Variants in MCC observed in about 807,000 individuals in gnomAD.
MCC encodes MCC regulator of Wnt signaling pathway, also known as colorectal mutant cancer protein.
In MCC, 90 loss-of-function variants were observed where a neutral mutation model predicts 116.2. The observed-to-expected ratio is 0.77, with a 90% confidence interval of 0.65 to 0.92. The LOEUF (loss-of-function observed/expected upper bound fraction) is 0.92. MCC is among the 40% of genes least tolerant of loss of function. The pLI is 0.00. For missense variants in MCC, 1,516 were observed against 1,312.2 expected (o/e 1.16, Z -2.40); for synonymous variants, 578 against 510.5 (o/e 1.13, Z -1.78).
At chr5:113,313,206 G>C (rs1287754883) in intron 3 of MCC, among the ~76,000 whole-genome samples, 1 of 152,080 alleles carries the variant, frequency 6.6e-6, no homozygotes, top group Non-Finnish European at 1.5e-5. Flanking sequence ...AATTAGCTGG[G>C]TGTGGTGGTG....
At chr5:113,045,142 T>G (rs1561748287) in intron 16 of MCC, among the ~76,000 whole-genome samples, 1 of 152,222 alleles carries the variant, frequency 6.6e-6, no homozygotes, top group Admixed American at 6.5e-5. Flanking sequence ...CCATTTGATG[T>G]TAACATTTCG....
chr5:113,163,171 G>A lies in MCC; in HGVS notation c.628-11749C>T, dbSNP rs141292062. ...GGTAAGAGACAGTCAAGAACCAAGCGGGACATACATAATGACCCCAAAATC... is the reference window on the plus strand; with the variant it reads ...GGTAAGAGACAGTCAAGAACCAAGCAGGACATACATAATGACCCCAAAATC... On this transcript the variant is annotated intron_variant, in intron 3 of 18. Transcript: ENST00000408903. Among the ~76,000 whole-genome samples the A allele has an allele frequency of 1.1e-3, 169 of 152,136 alleles. 1 individual carries two copies. Among genetic ancestry groups the A allele is most frequent in the African/African-American group, 3.7e-3 (155 of 41,486 alleles).
intron 7 of MCC, 119 bp from the exon 8 acceptor site, chr5:113,102,064 T>A (rs1332253458): frequency 1.1e-6 from 1 of 915,058 alleles, no homozygotes; most frequent in African/African-American, 1.6e-5. Context: ...AACCACTTTG[T>A]TATAAATAGT....
intron 17 of MCC, among the ~76,000 whole-genome samples, chr5:113,037,457 T>C (rs1396619276): frequency 2.0e-5 from 3 of 152,030 alleles, no homozygotes; most frequent in Non-Finnish European, 4.4e-5. Context: ...CTTTGTGAGG[T>C]TGAGGCGGGC....
chr5:113,255,098 G>C (rs1764957465), intron 3 of MCC, among the ~76,000 whole-genome samples: 1 of 152,180 alleles, frequency 6.6e-6, no homozygotes, highest in African/African-American at 2.4e-5. Flanking sequence ...CCAGGAGGTG[G>C]AGGTTGCAGT....
At chr5:113,428,934 C>G (rs769958883) in intron 1 of MCC, among the ~76,000 whole-genome samples, 6 of 152,180 alleles carry the variant, frequency 3.9e-5, no homozygotes, top group Non-Finnish European at 8.8e-5. Flanking sequence ...ATTTACTTAT[C>G]CAGCCGAATT....
At chr5:113,479,837 C>T (rs1772329371) in intron 1 of MCC, among the ~76,000 whole-genome samples, 1 of 152,056 alleles carries the variant, frequency 6.6e-6, no homozygotes, top group Admixed American at 6.6e-5. Flanking sequence ...CAGTGCTATT[C>T]AGTTTCTTTA....
intron 11 of MCC, among the ~76,000 whole-genome samples, chr5:113,077,157 C>T (rs151013696): frequency 0.078 from 11,847 of 152,174 alleles, 519 homozygotes; most frequent in Non-Finnish European, 0.083. Context: ...ATTCATAAAG[C>T]AAGTCCTTAG....
chr5:113,423,437 C>T lies in MCC; in HGVS notation c.171-38225G>A, dbSNP rs181548336. On this transcript the variant is annotated intron_variant, in intron 1 of 18. Coordinates refer to ENST00000408903, the MANE Select transcript of MCC (RefSeq NM_001085377.2). ...ATCCTGGGCTCACAAGAATCTAACC[C>T]TGTGTTTCCCCTAGAAGCAACAATT... Among the ~76,000 whole-genome samples the T allele has an allele frequency of 2.4e-4, 36 of 152,230 alleles. 1 individual carries two copies. In the South Asian group the frequency reaches 5.8e-3, roughly 25 times the overall value.
intron 3 of MCC, among the ~76,000 whole-genome samples, chr5:113,319,057 C>T (rs1008195304): frequency 3.0e-4 from 46 of 151,978 alleles, no homozygotes; most frequent in African/African-American, 1.0e-3. Context: ...TTTATAGAGA[C>T]GGAGTTTTGC....
chr5:113,260,856 T>C (rs1028610496), intron 3 of MCC, among the ~76,000 whole-genome samples: 4 of 152,160 alleles, frequency 2.6e-5, no homozygotes, highest in Non-Finnish European at 5.9e-5. Context: ...ATATGAGTTT[T>C]CCAAAATTTC....
chr5:113,222,278 T>G (rs1350606194), intron 3 of MCC, among the ~76,000 whole-genome samples: 1 of 152,220 alleles, frequency 6.6e-6, no homozygotes, highest in Non-Finnish European at 1.5e-5. Context: ...CACTTTGTCA[T>G]GATGTATTAT....
intron 1 of MCC, among the ~76,000 whole-genome samples, chr5:113,441,434 G>A (rs931671912): frequency 6.6e-6 from 1 of 152,186 alleles, no homozygotes; most frequent in African/African-American, 2.4e-5. Flanking sequence ...TCTATAAAGA[G>A]CTAGGTAATA....
At chr5:113,274,013 GA>G (rs1162369991) in intron 3 of MCC, among the ~76,000 whole-genome samples, 4 of 152,184 alleles carry the variant, frequency 2.6e-5, no homozygotes, top group Admixed American at 6.5e-5. Flanking sequence ...CCTCTGCACA[GA>G]AAAACGCTGG....
At chr5:113,038,596 TG>T (rs1223438022) in intron 17 of MCC, among the ~76,000 whole-genome samples, 1 of 152,006 alleles carries the variant, frequency 6.6e-6, no homozygotes, top group Admixed American at 6.6e-5. Context: ...TGTGAATGTT[TG>T]GGGAATGGCA....
intron 1 of MCC, among the ~76,000 whole-genome samples, chr5:113,426,613 C>T (rs541054215): frequency 6.6e-6 from 1 of 152,216 alleles, no homozygotes; most frequent in South Asian, 2.1e-4. Flanking sequence ...TCTTGTGACC[C>T]TGGGGCAATA....
In MCC at chr5:113,330,347, T is replaced by C. The variant is rs544542283; in HGVS notation, c.627+10172A>G. On this transcript the variant is annotated intron_variant, in intron 3 of 18. Transcript: ENST00000408903. ...CTTATTCTTTTAATACCTCTGCACATACAAAATACAAGAATACATTCCTGT... is the reference window on the plus strand; with the variant it reads ...CTTATTCTTTTAATACCTCTGCACACACAAAATACAAGAATACATTCCTGT... Among the ~76,000 whole-genome samples, 51 of 152,344 alleles carry C rather than the reference T, an allele frequency of 3.3e-4. No homozygotes were observed. In the South Asian group the frequency reaches 8.5e-3, roughly 25 times the overall value.
intron 11 of MCC, among the ~76,000 whole-genome samples, chr5:113,079,140 C>T (rs577160527): frequency 1.3e-5 from 2 of 152,288 alleles, no homozygotes; most frequent in South Asian, 2.1e-4. Flanking sequence ...CTACAAACCA[C>T]TGCTCAACGA....
chr5:113,248,791 C>T (rs553495694), intron 3 of MCC, among the ~76,000 whole-genome samples: 1 of 150,882 alleles, frequency 6.6e-6, no homozygotes, highest in South Asian at 2.1e-4. Context: ...TTCCCTGGTT[C>T]TCAGTGCACA....
Sources: allele counts gnomAD v4.1 joint callset (sites outside exome capture counted in the v4.1 genomes callset), GRCh38; gene constraint gnomAD v4.1.1; transcripts MANE v1.5; gene names NCBI Gene and HGNC (gene_info 2026-07-23, HGNC 2026-07-21).